DOT1L: variants seen among roughly 807,000 people sequenced by gnomAD.
DOT1L encodes DOT1 like histone lysine methyltransferase.
In DOT1L, 33 loss-of-function variants were observed where a neutral mutation model predicts 153.3. That is an observed-to-expected ratio of 0.22 (90% CI 0.16 to 0.29). The LOEUF is 0.29. Among genes scored for constraint, DOT1L ranks in the 10% least tolerant of loss-of-function variants. The pLI, the probability that DOT1L is intolerant of heterozygous loss-of-function variation, is 1.00. For missense variants in DOT1L, 1,847 were observed against 2,119.9 expected (o/e 0.87, Z 2.53); for synonymous variants, 1,135 against 965.1 (o/e 1.18, Z -3.26).
chr19:2,222,464 T>G lies in DOT1L; in HGVS notation c.3295T>G (p.Leu1099Val). 11 of 1,606,452 alleles carry G rather than the reference T, an allele frequency of 6.8e-6. No homozygotes were observed. The highest frequency in any genetic ancestry group is 9.3e-6 in the Non-Finnish European group (11 of 1,178,688). The change falls in exon 24 of 28, where the codon TTG becomes GTG. Residue 1099 changes from leucine to valine, a missense_variant. Leu to Val is a conservative substitution (Grantham distance 32, BLOSUM62 1). Transcript: ENST00000398665. This position sits in a 1 kb window ranked among gnomAD's most constrained non-coding sequence, Gnocchi z 6.5. ...RKRASAGTPS[L>V]SAGVSPKRRA... ...GCGAGCATCTGCGGGGACGCCCAGC[T>G]TGAGCGCAGGCGTGTCCCCCAAGCG...
chr19:2,199,500 C>T (rs963373019), intron 7 of DOT1L, among the ~76,000 whole-genome samples: 11 of 152,236 alleles, frequency 7.2e-5, no homozygotes, highest in African/African-American at 4.8e-5. Flanking sequence ...TGCCTCGGGG[C>T]GCCCCTGCTG....
chr19:2,230,188 GC>G lies in DOT1L; in HGVS notation c.*398del. On this transcript the variant is annotated 3_prime_UTR_variant, in exon 28 of 28. Transcript: ENST00000398665. ...CTATCTCGTCCCCAGGCCCGCGCCTGCCTCCACCCGCTTGGTGCTGACTAGA... is the reference window on the plus strand; with the variant it reads ...CTATCTCGTCCCCAGGCCCGCGCCTGCTCCACCCGCTTGGTGCTGACTAGA... 2.1e-6 allele frequency: 1 copy of G among 468,084 alleles called. No individual in the cohort carries two copies. The highest frequency in any genetic ancestry group is 3.7e-6 in the Non-Finnish European group (1 of 267,796). 29.0% of individuals were successfully genotyped at this position (468,084 alleles called of 1,614,324 possible).
chr19:2,214,632 GAGCCTCTCCCATC>G, intron 19 of DOT1L, 36 bp downstream of exon 19: 1 of 1,603,748 alleles, frequency 6.2e-7, no homozygotes, highest in Non-Finnish European at 8.5e-7. Flanking sequence ...CGTGGTGTCC[GAGCCTCTCCCATC>G]AGCCTCCCTG....
intron 9 of DOT1L, among the ~76,000 whole-genome samples, chr19:2,205,520 CG>C (rs762331681): frequency 6.6e-6 from 1 of 152,164 alleles, no homozygotes; most frequent in Non-Finnish European, 1.5e-5. Context: ...GGTGTCCATC[CG>C]GTCTGTTTGT....
chr19:2,226,388 C>A lies in DOT1L; in HGVS notation c.3867C>A (p.Ala1289=), dbSNP rs1457983492. ...AGCCCTCTGCCGATGCCAAGCTGGC[C>A]GCTCACCCCAGGAAAGGCTTTCCCG... ...LEEPSADAKL[A]AHPRKGFPGS... is the part of the protein sequence containing the mutation. Residue 1289 remains alanine (A), a synonymous_variant, in exon 27 of 28, where the codon GCC becomes GCA. Transcript: ENST00000398665. 1 of 1,593,590 alleles carries A rather than the reference C, an allele frequency of 6.3e-7. No individual in the cohort carries two copies.
chr19:2,204,208 T>C lies in DOT1L; in HGVS notation c.787+1429T>C, dbSNP rs111427079. On this transcript the variant is annotated intron_variant, in intron 9 of 27. Transcript: ENST00000398665. The surrounding 1 kb of genome is among the most constrained non-coding windows in gnomAD (Gnocchi z 5.7). ...GTGTGCGTGCCTGTGCGTGCCTGTG[T>C]CTGCATGTCTGTGCCTGTGTGCATG... 4.9e-4 allele frequency among the ~76,000 whole-genome samples: 74 copies of C among 152,134 alleles called. No homozygotes were observed. The highest frequency in any genetic ancestry group is 1.5e-3 in the African/African-American group (61 of 41,492).
intron 14 of DOT1L, 36 bp from the exon 15 acceptor site, chr19:2,211,063 C>G (rs2023694509): frequency 6.3e-7 from 1 of 1,593,316 alleles, no homozygotes; most frequent in Admixed American, 1.7e-5. Context: ...CTCTCCCGAC[C>G]CGCCCTGTGC....
Position 2,214,515 on chromosome 19 carries a change from G to A in DOT1L, c.1842G>A (p.Leu614=). 2 of 1,613,208 alleles carry A rather than the reference G, an allele frequency of 1.2e-6. No individual in the cohort carries two copies. Among genetic ancestry groups the A allele is most frequent in the Non-Finnish European group, 8.5e-7 (1 of 1,179,942 alleles). The change falls in exon 19 of 28, where the codon CTG becomes CTA. Residue 614 remains leucine (L), a synonymous_variant. Coordinates refer to ENST00000398665, the MANE Select transcript of DOT1L (RefSeq NM_032482.3). Reference sequence around the variant, plus strand: ...AGCTGCAGCTGGACTGGGCCACGCTGTCGCTGGAGAAGCTGTTGAAGGAGA... The same window carrying A: ...AGCTGCAGCTGGACTGGGCCACGCTATCGCTGGAGAAGCTGTTGAAGGAGA... ...CEELQLDWAT[L]SLEKLLKEKQ... is the part of the protein sequence containing the mutation.
At chr19:2,209,922 C>T (rs765774222) in intron 12 of DOT1L, among the ~76,000 whole-genome samples, 13 of 152,204 alleles carry the variant, frequency 8.5e-5, no homozygotes, top group East Asian at 1.9e-4. Context: ...AGGTGGCCGG[C>T]GCACCCTGTG....
At chr19:2,214,308 C>A in intron 18 of DOT1L, 163 bp from the exon 19 acceptor site, 1 of 1,257,544 alleles carries the variant, frequency 8.0e-7, no homozygotes, top group South Asian at 1.6e-5. Flanking sequence ...GCCCCAGTCT[C>A]CGCGTGTTCC....
At position 2,232,577 on chromosome 19, in the gene DOT1L, G is replaced by C. The variant is rs968161393; in HGVS notation, c.*2785G>C. On this transcript the variant is annotated 3_prime_UTR_variant, in exon 28 of 28. Transcript: ENST00000398665. The stretch of plus-strand genomic sequence containing the variant: ...GTAATAAACAGACTGTTTTCACTCG[G>C]ACCTGGTGTGAATGGCAGCCTTTCT... 5.0e-6 allele frequency: 1 copy of C among 201,490 alleles called. No individual in the cohort carries two copies. Among genetic ancestry groups the C allele is most frequent in the East Asian group, 7.6e-5 (1 of 13,232 alleles). The allele number at this position is 201,490 out of a possible 1,614,324, so 12.5% of individuals were successfully genotyped here.
intron 1 of DOT1L, among the ~76,000 whole-genome samples, chr19:2,177,871 C>T (rs973549149): frequency 6.6e-6 from 1 of 151,932 alleles, no homozygotes; most frequent in Admixed American, 6.6e-5. Flanking sequence ...AAGAGATTCT[C>T]CTGCCTCAGC....
At position 2,230,971 on chromosome 19, in the gene DOT1L, C is replaced by T. The variant is rs2024572357; in HGVS notation, c.*1179C>T. On this transcript the variant is annotated 3_prime_UTR_variant, in exon 28 of 28. Transcript: ENST00000398665. ...CTGGGGCCAGGGTGCACTGCTGAAACCTGGCCTCTCTGGCCCTAGGCCCCA... is the reference window on the plus strand; with the variant it reads ...CTGGGGCCAGGGTGCACTGCTGAAATCTGGCCTCTCTGGCCCTAGGCCCCA... The T allele has an allele frequency of 4.0e-6, 1 of 252,282 alleles. No individual in the cohort carries two copies. 15.6% of individuals were successfully genotyped at this position (252,282 alleles called of 1,614,324 possible).
At chr19:2,212,207 G>T (rs562389741) in intron 16 of DOT1L, 6 of 186,964 alleles carry the variant, frequency 3.2e-5, no homozygotes, top group Admixed American at 1.9e-4. Flanking sequence ...GTTCGGCAGG[G>T]GCTGGAGTGC....
intron 1 of DOT1L, among the ~76,000 whole-genome samples, chr19:2,180,478 T>C (rs1403121541): frequency 6.6e-6 from 1 of 152,106 alleles, no homozygotes; most frequent in African/African-American, 2.4e-5. Context: ...GCCTGCTCGC[T>C]GCCTGTAGTA....
chr19:2,213,256 G>A (rs1205880703), intron 16 of DOT1L: 3 of 368,708 alleles, frequency 8.1e-6, no homozygotes, highest in Non-Finnish European at 1.5e-5. Context: ...GCATTGGCCG[G>A]CCTCTGCGTG....
chr19:2,165,932 C>G (rs774106647), intron 1 of DOT1L, among the ~76,000 whole-genome samples: 5 of 152,072 alleles, frequency 3.3e-5, no homozygotes, highest in Admixed American at 2.6e-4. Context: ...CCACGCCCGG[C>G]TAATGTTTTT....
chr19:2,193,980 G>A lies in DOT1L; in HGVS notation c.588+197G>A, dbSNP rs1027357248. ...TCGCCCTCACGGCCCATTACAGGCC[G>A]GCCCTCCAGGCCTGTCCAAGCGCTG... On this transcript the variant is annotated intron_variant, in intron 6 of 27. Coordinates refer to ENST00000398665, the MANE Select transcript of DOT1L (RefSeq NM_032482.3). The surrounding 1 kb of genome is among the most constrained non-coding windows in gnomAD (Gnocchi z 5.9). Among the ~76,000 whole-genome samples, 3 of 152,158 alleles carry A rather than the reference G, an allele frequency of 2.0e-5. No homozygotes were observed. The highest frequency in any genetic ancestry group is 2.9e-5 in the Non-Finnish European group (2 of 68,004).
chr19:2,199,063 C>A (rs1030694959), intron 7 of DOT1L, among the ~76,000 whole-genome samples: 1 of 152,212 alleles, frequency 6.6e-6, no homozygotes, highest in Non-Finnish European at 1.5e-5. Context: ...TTTATTTCTC[C>A]TGGGAATGGA....
Sources: allele counts gnomAD v4.1 joint callset (sites outside exome capture counted in the v4.1 genomes callset), GRCh38; gene constraint gnomAD v4.1.1; non-coding constraint Gnocchi (gnomAD v3.1); transcripts MANE v1.5; gene names NCBI Gene and HGNC (gene_info 2026-07-23, HGNC 2026-07-21).